Variants in SYT9 observed in about 807,000 individuals in gnomAD.
SYT9 encodes synaptotagmin-9.
In SYT9, 22 loss-of-function variants were observed where a neutral mutation model predicts 48.4. The ratio of observed to expected loss-of-function variants is 0.45; its 90% CI spans 0.32 to 0.65. The LOEUF (loss-of-function observed/expected upper bound fraction) is 0.65, where lower values mean the gene tolerates loss of function less well. Among genes scored for constraint, SYT9 ranks in the 30% least tolerant of loss-of-function variants. The pLI is 0.03. For synonymous variants in SYT9, 265 were observed against 245.0 expected (o/e 1.08, Z -0.76); for missense variants, 577 against 622.0 (o/e 0.93, Z 0.77).
At chr11:7,432,863 T>C (rs914077227) in intron 6 of SYT9, among the ~76,000 whole-genome samples, 18 of 151,940 alleles carry the variant, frequency 1.2e-4, no homozygotes, top group African/African-American at 3.9e-4. Flanking sequence ...AATGCTGGAA[T>C]GACCTAAGAC....
chr11:7,247,499 A>G (rs146087221), upstream of SYT9, among the ~76,000 whole-genome samples: 14 of 149,816 alleles, frequency 9.3e-5, no homozygotes, highest in African/African-American at 3.2e-4. Context: ...ACACATATAT[A>G]TACACATATA....
chr11:7,242,436 C>T (rs1362938143), intron 1 of SYT9, among the ~76,000 whole-genome samples: 1 of 152,152 alleles, frequency 6.6e-6, no homozygotes, highest in African/African-American at 2.4e-5. Context: ...TACATTTCTT[C>T]AGTAGAAAAG....
At chr11:7,349,464 C>T (rs191620585) in intron 3 of SYT9, among the ~76,000 whole-genome samples, 6 of 151,678 alleles carry the variant, frequency 4.0e-5, no homozygotes, top group Admixed American at 3.3e-4. Context: ...GAGAAAGGCG[C>T]AGGCCCAAAT....
intron 1 of SYT9, among the ~76,000 whole-genome samples, chr11:7,286,423 C>A (rs1848596352): frequency 6.6e-6 from 1 of 152,184 alleles, no homozygotes; most frequent in Admixed American, 6.5e-5. Context: ...CAGGACCTGG[C>A]CCAGGAAACC....
intron 3 of SYT9, among the ~76,000 whole-genome samples, chr11:7,336,480 A>G (rs1849632609): frequency 6.6e-6 from 1 of 152,098 alleles, no homozygotes; most frequent in African/African-American, 2.4e-5. Context: ...TGGGGTTTAC[A>G]TTTAAATCTT....
chr11:7,267,891 A>T (rs1469408902), intron 1 of SYT9, among the ~76,000 whole-genome samples: 1 of 152,006 alleles, frequency 6.6e-6, no homozygotes, highest in Non-Finnish European at 1.5e-5. Context: ...AGCAAAAAGA[A>T]TAAGAAAGAG....
intron 1 of SYT9, among the ~76,000 whole-genome samples, chr11:7,261,622 A>G (rs948140970): frequency 6.6e-6 from 1 of 152,204 alleles, no homozygotes; most frequent in Non-Finnish European, 1.5e-5. Flanking sequence ...ATCAAGACAT[A>G]AAGACTAAAC....
At chr11:7,351,028 G>T (rs552248411) in intron 3 of SYT9, among the ~76,000 whole-genome samples, 2 of 152,156 alleles carry the variant, frequency 1.3e-5, no homozygotes, top group South Asian at 4.1e-4. Context: ...TCATGATTTT[G>T]TCTTAAAAAA....
At chr11:7,370,323 T>C (rs1850339119) in intron 3 of SYT9, among the ~76,000 whole-genome samples, 1 of 152,194 alleles carries the variant, frequency 6.6e-6, no homozygotes, top group Non-Finnish European at 1.5e-5. Context: ...CTGATTTGTG[T>C]CATTTATAAG....
At position 7,303,098 on chromosome 11, in the gene SYT9, G is replaced by A. The variant is rs778982022; in HGVS notation, c.205G>A (p.Val69Met). The A allele has an allele frequency of 8.1e-6, 13 of 1,614,060 alleles. No homozygotes were observed. Among genetic ancestry groups the A allele is most frequent in the African/African-American group, 1.3e-5 (1 of 74,920 alleles). Residue 69 changes from valine to methionine, a missense_variant, in exon 2 of 7, where the codon GTG (valine) becomes ATG (methionine). Coordinates refer to ENST00000318881, the MANE Select transcript of SYT9 (RefSeq NM_175733.4). ...TGCCTGTGGTCTCGCTCTCTTTGGC[G>A]TGTCTCTCTTCGTATCTTGGAAACT... ...VTACGLALFG[V>M]SLFVSWKLCW...
At chr11:7,277,010 C>T (rs192365937) in intron 1 of SYT9, among the ~76,000 whole-genome samples, 162 of 152,094 alleles carry the variant, frequency 1.1e-3, no homozygotes, top group African/African-American at 3.2e-3. Context: ...GCCGAGATCG[C>T]GCCACTGCAC....
intron 1 of SYT9, 35 bp from the exon 2 acceptor site, chr11:7,303,004 G>A (rs368181678): frequency 8.0e-5 from 127 of 1,589,570 alleles, no homozygotes; most frequent in Non-Finnish European, 1.0e-4. Flanking sequence ...TGAGGGGAAT[G>A]ACCACACTGA....
At chr11:7,442,256 CACCCCTGTGGTGGGA>C in intron 6 of SYT9, among the ~76,000 whole-genome samples, 1 of 152,306 alleles carries the variant, frequency 6.6e-6, no homozygotes, top group East Asian at 1.9e-4. Context: ...TGCCATTTCC[CACCCCTGTGGTGGGA>C]CTCGAAGAGG....
intron 3 of SYT9, among the ~76,000 whole-genome samples, chr11:7,360,046 A>T (rs917160146): frequency 6.6e-6 from 1 of 151,778 alleles, no homozygotes; most frequent in African/African-American, 2.4e-5. Context: ...TAAGGAAGGG[A>T]TCCAGTTTCA....
intron 6 of SYT9, among the ~76,000 whole-genome samples, chr11:7,464,949 G>A (rs193275558): frequency 0.029 from 4,444 of 152,082 alleles, 100 homozygotes; most frequent in Non-Finnish European, 0.047. Context: ...TTAGCCGGGC[G>A]TGGTGGCGGG....
At chr11:7,383,248 A>T (rs573566456) in intron 3 of SYT9, among the ~76,000 whole-genome samples, 3 of 152,296 alleles carry the variant, frequency 2.0e-5, no homozygotes, top group South Asian at 2.1e-4. Context: ...TTGCTAAATA[A>T]ATGGTTTCTT....
chr11:7,331,775 A>G (rs568082558), intron 3 of SYT9, among the ~76,000 whole-genome samples: 10 of 152,130 alleles, frequency 6.6e-5, no homozygotes, highest in Admixed American at 1.3e-4. Flanking sequence ...CCCTCTATAT[A>G]TGCACCCGGA....
rs575086036 is a variant in SYT9 at position 7,252,513 on chromosome 11, G to C, written c.145+182G>C. 4.0e-3 allele frequency among the ~76,000 whole-genome samples: 605 copies of C among 152,220 alleles called. 6 individuals are homozygous for C. Among genetic ancestry groups the C allele is most frequent in the Non-Finnish European group, 6.8e-3 (462 of 67,998 alleles). On this transcript the variant is annotated intron_variant, in intron 1 of 6. Coordinates refer to ENST00000318881, the MANE Select transcript of SYT9 (RefSeq NM_175733.4). This position sits in a 1 kb window ranked among gnomAD's most constrained non-coding sequence, Gnocchi z 6.3. Reference sequence around the variant, plus strand: ...TGATGCTGTAACCAGGCGGGGACCCGGGCGGTGGCTACTGCACGGAGGCCG... The same window carrying C: ...TGATGCTGTAACCAGGCGGGGACCCCGGCGGTGGCTACTGCACGGAGGCCG...
chr11:7,468,015 C>A lies in SYT9; in HGVS notation c.*1215C>A, dbSNP rs1291413371. ...GCTTCTGCCTCCACGTAAATGAAAC[C>A]AAAGGCCTCAGCATATCCTGGGAGG... On this transcript the variant is annotated 3_prime_UTR_variant, in exon 7 of 7. Coordinates refer to ENST00000318881, the MANE Select transcript of SYT9 (RefSeq NM_175733.4). 3.6e-5 allele frequency: 13 copies of A among 357,060 alleles called. No individual in the cohort carries two copies. The highest frequency in any genetic ancestry group is 3.3e-4 in the Admixed American group (7 of 21,276). 22.1% of individuals were successfully genotyped at this position (357,060 alleles called of 1,614,324 possible). A position where few individuals can be genotyped will look rare whatever the true frequency, so the allele number is the denominator to read the frequency against.
Sources: gnomAD v4.1 joint callset for allele counts (sites outside exome capture counted in the v4.1 genomes callset) on GRCh38, gnomAD v4.1.1 for gene constraint, Gnocchi (gnomAD v3.1) non-coding constraint, MANE v1.5 for transcripts, NCBI Gene and HGNC (gene_info 2026-07-23, HGNC 2026-07-21) for gene names.